The following EYS variants were observed in gnomAD, a reference collection of about 807,000 sequenced individuals.
EYS encodes the protein protein eyes shut homolog.
A neutral mutation model predicts 282.1 loss-of-function variants in EYS; 250 were observed. That is an observed-to-expected ratio of 0.89 (90% CI 0.80 to 0.98). The LOEUF is 0.98. EYS is among the 50% of genes least tolerant of loss of function. EYS has a pLI of 0.00. For missense variants in EYS, 4,016 were observed against 3,709.0 expected (o/e 1.08, Z -2.15); for synonymous variants, 1,355 against 1,282.9 (o/e 1.06, Z -1.20).
intron 26 of EYS, among the ~76,000 whole-genome samples, chr6:64,483,121 C>T (rs1297862612): frequency 2.0e-5 from 3 of 151,538 alleles, no homozygotes; most frequent in African/African-American, 7.3e-5. Flanking sequence ...ATATTTCAGG[C>T]TTTGTGGGTT....
At chr6:64,432,062 A>G (rs539918768) in intron 28 of EYS, among the ~76,000 whole-genome samples, 1 of 152,290 alleles carries the variant, frequency 6.6e-6, no homozygotes, top group Admixed American at 6.5e-5. Context: ...ATGACTGTAC[A>G]TAAACATAGC....
intron 33 of EYS, among the ~76,000 whole-genome samples, chr6:63,999,483 A>G (rs1003902314): frequency 6.6e-6 from 1 of 152,216 alleles, no homozygotes; most frequent in Non-Finnish European, 1.5e-5. Flanking sequence ...GTAGATATTG[A>G]CAAATTTTAA....
chr6:64,527,350 C>T (rs1777956807), intron 26 of EYS, among the ~76,000 whole-genome samples: 1 of 151,808 alleles, frequency 6.6e-6, no homozygotes, highest in Admixed American at 6.6e-5. Context: ...TAAGGGCCTT[C>T]TTCTGTTCCT....
chr6:65,603,434 A>G (rs1193494900), intron 2 of EYS, among the ~76,000 whole-genome samples: 4 of 152,020 alleles, frequency 2.6e-5, no homozygotes, highest in South Asian at 2.1e-4. Flanking sequence ...TTGGTGAATG[A>G]AAACTACAAT....
chr6:65,355,383 A>G (rs1193570370), intron 8 of EYS, among the ~76,000 whole-genome samples: 2 of 132,690 alleles, frequency 1.5e-5, no homozygotes, highest in Non-Finnish European at 3.2e-5. Context: ...AAATAATTTC[A>G]GAATATCCTC....
chr6:64,247,571 C>G (rs894573310), intron 30 of EYS, among the ~76,000 whole-genome samples: 2 of 152,114 alleles, frequency 1.3e-5, no homozygotes, highest in Non-Finnish European at 2.9e-5. Context: ...AACAAAAACT[C>G]ACCCATCAAT....
chr6:65,519,089 G>T (rs957181023), intron 2 of EYS, among the ~76,000 whole-genome samples: 3 of 152,094 alleles, frequency 2.0e-5, no homozygotes, highest in Non-Finnish European at 4.4e-5. Flanking sequence ...ATCCTTCTGG[G>T]ATATCCCTCT....
At chr6:64,268,318 T>C (rs557570290) in intron 30 of EYS, among the ~76,000 whole-genome samples, 1 of 152,120 alleles carries the variant, frequency 6.6e-6, no homozygotes, top group Non-Finnish European at 1.5e-5. Context: ...TATAAATAAG[T>C]GTATATATGA....
intron 12 of EYS, among the ~76,000 whole-genome samples, chr6:65,197,274 G>A (rs12213645): frequency 0.047 from 7,143 of 152,100 alleles, 202 homozygotes; most frequent in Middle Eastern, 0.065. Flanking sequence ...GACATAAAAC[G>A]GATTGGTGTG....
At chr6:64,422,545 C>A (rs1299314087) in intron 28 of EYS, among the ~76,000 whole-genome samples, 2 of 152,168 alleles carry the variant, frequency 1.3e-5, no homozygotes, top group African/African-American at 4.8e-5. Context: ...AAACATGGAA[C>A]TTTCTGTTGT....
intron 5 of EYS, among the ~76,000 whole-genome samples, chr6:65,425,043 A>G (rs2150379662): frequency 6.6e-6 from 1 of 152,188 alleles, no homozygotes; most frequent in Middle Eastern, 3.4e-3. Flanking sequence ...TATATGTGCA[A>G]TTCAGTACCA....
chr6:64,091,372 C>T (rs957320394), intron 31 of EYS, among the ~76,000 whole-genome samples: 1 of 152,016 alleles, frequency 6.6e-6, no homozygotes, highest in Non-Finnish European at 1.5e-5. Flanking sequence ...CTTCCCTCAC[C>T]CCCAGATTAA....
intron 33 of EYS, among the ~76,000 whole-genome samples, chr6:64,025,618 A>G (rs888686034): frequency 6.6e-6 from 1 of 152,174 alleles, no homozygotes; most frequent in Non-Finnish European, 1.5e-5. Flanking sequence ...AATCAGAAAG[A>G]CATAATTTTT....
intron 30 of EYS, among the ~76,000 whole-genome samples, chr6:64,294,658 T>C (rs1768841569): frequency 6.6e-6 from 1 of 152,206 alleles, no homozygotes; most frequent in Non-Finnish European, 1.5e-5. Flanking sequence ...ATTTAAATGT[T>C]ATTTGACTTT....
intron 22 of EYS, among the ~76,000 whole-genome samples, chr6:64,679,291 G>T (rs1483545739): frequency 2.0e-5 from 3 of 152,056 alleles, no homozygotes; most frequent in Non-Finnish European, 4.4e-5. Flanking sequence ...TAGAAAAAAG[G>T]CTGCATAGCT....
chr6:64,553,370 C>T (rs1385555365), intron 26 of EYS, among the ~76,000 whole-genome samples: 2 of 151,996 alleles, frequency 1.3e-5, no homozygotes, highest in East Asian at 3.9e-4. Context: ...TTCTTTAAAG[C>T]TTTCTATTTA....
At chr6:65,243,124 T>C (rs1767095496) in intron 12 of EYS, among the ~76,000 whole-genome samples, 1 of 152,176 alleles carries the variant, frequency 6.6e-6, no homozygotes, top group African/African-American at 2.4e-5. Context: ...CTTAATTTTG[T>C]CAGGCATATT....
chr6:64,249,268 A>G (rs975417914), intron 30 of EYS, among the ~76,000 whole-genome samples: 1 of 152,124 alleles, frequency 6.6e-6, no homozygotes, highest in Non-Finnish European at 1.5e-5. Flanking sequence ...CTTATTTGAA[A>G]TAAGTCAGAC....
At chr6:64,514,127 C>T (rs1582840597) in intron 26 of EYS, among the ~76,000 whole-genome samples, 1 of 151,694 alleles carries the variant, frequency 6.6e-6, no homozygotes, top group Non-Finnish European at 1.5e-5. Flanking sequence ...ATGAGAATGG[C>T]TCATTGTCTG....
Sources: gnomAD v4.1 joint callset for allele counts (sites outside exome capture counted in the v4.1 genomes callset) on GRCh38, gnomAD v4.1.1 for gene constraint, MANE v1.5 for transcripts, NCBI Gene and HGNC (gene_info 2026-07-23, HGNC 2026-07-21) for gene names.